The following CERS6 variants were observed in gnomAD, a reference collection of about 807,000 sequenced individuals.
CERS6 encodes the protein ceramide synthase 6.
CERS6 carries 26 observed loss-of-function variants against 56.8 expected under a neutral mutation model. The ratio of observed to expected loss-of-function variants is 0.46; its 90% CI spans 0.34 to 0.63. The LOEUF (loss-of-function observed/expected upper bound fraction) is 0.63. Ranked by LOEUF, CERS6 falls within the 30% of genes least tolerant of loss-of-function variation. The probability of loss-of-function intolerance (pLI) is 0.01; values close to 1 mark genes in which losing one functional copy is unlikely to be tolerated. For missense variants in CERS6, 415 were observed against 467.5 expected (o/e 0.89, Z 1.04); for synonymous variants, 164 against 173.3 (o/e 0.95, Z 0.42).
chr2:168,645,140 TATAGAGAGAGAGAG>T (rs1312484014), intron 4 of CERS6, among the ~76,000 whole-genome samples: 13 of 23,646 alleles, frequency 5.5e-4, no homozygotes, highest in African/African-American at 2.4e-3. Context: ...TATATATATA[TATAGAGAGAGAGAG>T]AGAGAGAGAG....
intron 3 of CERS6, among the ~76,000 whole-genome samples, chr2:168,572,734 C>T (rs1280098243): frequency 6.6e-6 from 1 of 152,012 alleles, no homozygotes; most frequent in South Asian, 2.1e-4. Flanking sequence ...TCTAGTTGTT[C>T]TCTACTAGAG....
At chr2:168,735,250 A>T (rs777012724) in intron 8 of CERS6, among the ~76,000 whole-genome samples, 3 of 152,066 alleles carry the variant, frequency 2.0e-5, no homozygotes, top group Non-Finnish European at 2.9e-5. Flanking sequence ...ATACAACTTC[A>T]TGCCATATAA....
At chr2:168,662,209 T>C (rs997977597) in intron 4 of CERS6, among the ~76,000 whole-genome samples, 2 of 152,054 alleles carry the variant, frequency 1.3e-5, no homozygotes, top group Admixed American at 6.6e-5. Context: ...AATTGGAATA[T>C]ACTTTTTCTA....
chr2:168,717,991 G>A lies in CERS6; in HGVS notation c.845+13G>A, dbSNP rs754185997. On this transcript the variant is annotated intron_variant, in intron 8 of 9. Transcript: ENST00000305747. ...TATTTCCTCTCTGGTGAGTATGCCA[G>A]TCTCCTTCCTGATAGAGCCACCCTT... 4.5e-5 allele frequency: 71 copies of A among 1,570,590 alleles called. No homozygotes were observed. In the Admixed American group the frequency reaches 5.3e-4, roughly 12 times the overall value.
At chr2:168,631,751 A>G (rs1301061995) in intron 4 of CERS6, among the ~76,000 whole-genome samples, 7 of 119,892 alleles carry the variant, frequency 5.8e-5, no homozygotes, top group African/African-American at 9.6e-5. Flanking sequence ...AATTATATAT[A>G]TTTTCATATT....
chr2:168,633,933 C>T (rs909821880), intron 4 of CERS6, among the ~76,000 whole-genome samples: 3 of 152,180 alleles, frequency 2.0e-5, no homozygotes. Context: ...GCTACAGCTG[C>T]CTCTTACTTC....
At chr2:168,736,664 T>C (rs1002126710) in intron 8 of CERS6, among the ~76,000 whole-genome samples, 14 of 152,158 alleles carry the variant, frequency 9.2e-5, no homozygotes, top group Non-Finnish European at 1.6e-4. Flanking sequence ...AAGGCTTAAA[T>C]TGAGAAACGT....
intron 3 of CERS6, among the ~76,000 whole-genome samples, chr2:168,602,096 G>A (rs758050097): frequency 9.9e-5 from 15 of 152,186 alleles, no homozygotes; most frequent in Non-Finnish European, 4.4e-5. Context: ...TGCTGTACAC[G>A]TATTTCAGCA....
intron 4 of CERS6, among the ~76,000 whole-genome samples, chr2:168,671,235 G>A (rs887956659): frequency 4.6e-5 from 7 of 151,978 alleles, no homozygotes; most frequent in Non-Finnish European, 8.8e-5. Context: ...AAAATGCTAG[G>A]ATTACAGACA....
At position 168,732,155 on chromosome 2, in the gene CERS6, C is replaced by G. The variant is rs185223678; in HGVS notation, c.845+14177C>G. 2.6e-4 allele frequency among the ~76,000 whole-genome samples: 39 copies of G among 152,286 alleles called. No homozygotes were observed. The South Asian group carries it at 6.0e-3, about 23-fold the overall frequency. On this transcript the variant is annotated intron_variant, in intron 8 of 9. Coordinates refer to ENST00000305747, the MANE Select transcript of CERS6 (RefSeq NM_203463.3). ...CATTTATTTCAAATTGTGTCTCCCCCATCCCATTAAAAAATTTAAGTAGAT... is the reference window on the plus strand; with the variant it reads ...CATTTATTTCAAATTGTGTCTCCCCGATCCCATTAAAAAATTTAAGTAGAT...
At chr2:168,609,974 GTTTTT>G (rs5836191) in intron 3 of CERS6, among the ~76,000 whole-genome samples, 5 of 93,820 alleles carry the variant, frequency 5.3e-5, no homozygotes, top group Middle Eastern at 7.0e-3. Flanking sequence ...AGATGTGACT[GTTTTT>G]TTTTTTTTTT....
chr2:168,527,322 A>T (rs1249523176), intron 1 of CERS6, among the ~76,000 whole-genome samples: 1 of 152,222 alleles, frequency 6.6e-6, no homozygotes, highest in Non-Finnish European at 1.5e-5. Context: ...TGTTATTAAC[A>T]TCTGCCAGCA....
At chr2:168,588,080 A>ATTTTTTTT (rs11396816) in intron 3 of CERS6, among the ~76,000 whole-genome samples, 15 of 138,534 alleles carry the variant, frequency 1.1e-4, no homozygotes, top group African/African-American at 4.0e-4. Flanking sequence ...TACCTGGCTA[A>ATTTTTTTT]TTTTTTTTTT....
At chr2:168,734,744 A>G (rs1683661910) in intron 8 of CERS6, among the ~76,000 whole-genome samples, 1 of 152,230 alleles carries the variant, frequency 6.6e-6, no homozygotes, top group African/African-American at 2.4e-5. Flanking sequence ...ATGGGACAAA[A>G]ACAAAAGCAA....
intron 3 of CERS6, among the ~76,000 whole-genome samples, chr2:168,606,882 C>T (rs559994587): frequency 9.5e-4 from 145 of 152,168 alleles, no homozygotes; most frequent in African/African-American, 3.3e-3. Context: ...GCACCTTCCC[C>T]CTCTCTCTCT....
At chr2:168,639,357 G>A (rs897806938) in intron 4 of CERS6, among the ~76,000 whole-genome samples, 8 of 152,160 alleles carry the variant, frequency 5.3e-5, no homozygotes, top group African/African-American at 1.9e-4. Flanking sequence ...ATCAAAATCT[G>A]TACCTGCACA....
intron 3 of CERS6, among the ~76,000 whole-genome samples, chr2:168,579,216 G>A (rs1224544974): frequency 6.6e-6 from 1 of 152,118 alleles, no homozygotes; most frequent in Non-Finnish European, 1.5e-5. Context: ...CTTTGGTATA[G>A]TATATATTTC....
intron 1 of CERS6, among the ~76,000 whole-genome samples, chr2:168,510,479 G>A (rs1694759763): frequency 6.6e-6 from 1 of 152,194 alleles, no homozygotes; most frequent in South Asian, 2.1e-4. Context: ...TAATAGGGCA[G>A]ACCACATAGC....
intron 4 of CERS6, among the ~76,000 whole-genome samples, chr2:168,649,350 A>C (rs527886148): frequency 1.3e-5 from 2 of 152,122 alleles, no homozygotes; most frequent in African/African-American, 4.8e-5. Context: ...ATCACTGTCA[A>C]ATGGCCTCTC....
Sources: allele counts gnomAD v4.1 joint callset (sites outside exome capture counted in the v4.1 genomes callset), GRCh38; gene constraint gnomAD v4.1.1; transcripts MANE v1.5; gene names NCBI Gene and HGNC (gene_info 2026-07-23, HGNC 2026-07-21).